SNX29: variants seen among roughly 807,000 people sequenced by gnomAD.
The protein encoded by SNX29 is sorting nexin-29.
Under a neutral mutation model 102.1 loss-of-function variants are expected in SNX29, and 78 were observed. The observed-to-expected ratio is 0.76, with a 90% CI of 0.64 to 0.92. SNX29 has a LOEUF of 0.92. Among genes scored for constraint, SNX29 ranks in the 40% least tolerant of loss-of-function variants. The probability of loss-of-function intolerance (pLI) is 0.00; values close to 1 mark genes in which losing one functional copy is unlikely to be tolerated. For synonymous variants in SNX29, 580 were observed against 414.5 expected (o/e 1.40, Z -4.85); for missense variants, 1,280 against 1,061.7 (o/e 1.21, Z -2.86).
chr16:12,478,929 C>T (rs947973887), intron 19 of SNX29, among the ~76,000 whole-genome samples: 16 of 152,180 alleles, frequency 1.1e-4, no homozygotes, highest in Admixed American at 4.6e-4. Context: ...TCATCAATTT[C>T]GGTATGTGTT....
At chr16:11,982,630 C>G (rs190278573) in intron 1 of SNX29, among the ~76,000 whole-genome samples, 1 of 152,008 alleles carries the variant, frequency 6.6e-6, no homozygotes, top group East Asian at 1.9e-4. Flanking sequence ...GGGGTTTCAC[C>G]ATGTTAGCCA....
intron 19 of SNX29, among the ~76,000 whole-genome samples, chr16:12,515,975 A>C (rs2089846643): frequency 6.6e-6 from 1 of 152,108 alleles, no homozygotes; most frequent in East Asian, 1.9e-4. Flanking sequence ...ACATGCTCCC[A>C]GAGAAAGGGG....
intron 17 of SNX29, among the ~76,000 whole-genome samples, chr16:12,400,874 G>A (rs1456796016): frequency 1.3e-5 from 2 of 152,168 alleles, no homozygotes; most frequent in African/African-American, 4.8e-5. Flanking sequence ...CCAGGTTGGA[G>A]TGCAGTGGCA....
intron 13 of SNX29, among the ~76,000 whole-genome samples, chr16:12,144,663 T>C (rs1217038320): frequency 6.6e-6 from 1 of 152,232 alleles, no homozygotes; most frequent in African/African-American, 2.4e-5. Flanking sequence ...TCATTATAAA[T>C]TACCCAGCCT....
At chr16:12,494,717 T>A (rs2088725879) in intron 19 of SNX29, among the ~76,000 whole-genome samples, 1 of 152,170 alleles carries the variant, frequency 6.6e-6, no homozygotes, top group Middle Eastern at 3.2e-3. Flanking sequence ...TTTTTTGTAA[T>A]GAGTTTTGAA....
In SNX29 at chr16:12,060,724, T is replaced by C. The variant is rs1390926128; in HGVS notation, c.1125-804T>C. ...CTGCAAAAATACCTCCAGGTATTTA[T>C]TAACATTTCTTGATTGCTCAGAGGC... On this transcript the variant is annotated intron_variant, in intron 8 of 20. Coordinates refer to ENST00000566228, the MANE Select transcript of SNX29 (RefSeq NM_032167.5). 8 of 455,312 alleles carry C rather than the reference T, an allele frequency of 1.8e-5. No homozygotes were observed. In the East Asian group the frequency reaches 5.6e-4, roughly 32 times the overall value. The allele number at this position is 455,312 out of a possible 1,614,324, so 28.2% of individuals were successfully genotyped here. A position where few individuals can be genotyped will look rare whatever the true frequency, so the allele number is the denominator to read the frequency against.
At chr16:12,564,476 T>C (rs183359191) in intron 20 of SNX29, among the ~76,000 whole-genome samples, 247 of 152,326 alleles carry the variant, frequency 1.6e-3, no homozygotes, top group African/African-American at 5.7e-3. Flanking sequence ...TATGGATCTT[T>C]CTCCAAGGTC....
chr16:12,532,945 G>C (rs1312648373), intron 20 of SNX29, among the ~76,000 whole-genome samples: 1 of 152,260 alleles, frequency 6.6e-6, no homozygotes, highest in Non-Finnish European at 1.5e-5. Flanking sequence ...TGCCAAGTTG[G>C]CTGCGGACCC....
In SNX29 at chr16:12,396,046, G is replaced by A. The variant is rs138271550; in HGVS notation, c.1900-2400G>A. ...ACTCATGTAGACACACAAAATCTCCGGGTTTACTGATCCTAATAATGCCAT... is the reference window on the plus strand; with the variant it reads ...ACTCATGTAGACACACAAAATCTCCAGGTTTACTGATCCTAATAATGCCAT... On this transcript the variant is annotated intron_variant, in intron 16 of 20. Coordinates refer to ENST00000566228, the MANE Select transcript of SNX29 (RefSeq NM_032167.5). 4.6e-5 allele frequency among the ~76,000 whole-genome samples: 7 copies of A among 152,224 alleles called. No individual in the cohort carries two copies. The East Asian group carries it at 1.2e-3, about 25-fold the overall frequency.
chr16:12,204,117 A>T (rs1040140861), intron 14 of SNX29, among the ~76,000 whole-genome samples: 1 of 152,146 alleles, frequency 6.6e-6, no homozygotes. Context: ...GAGATTGGGA[A>T]TGAGGCCATC....
At chr16:12,471,606 C>T (rs1052241963) in intron 18 of SNX29, among the ~76,000 whole-genome samples, 2 of 152,208 alleles carry the variant, frequency 1.3e-5, no homozygotes, top group Non-Finnish European at 2.9e-5. Context: ...GCACTACCTC[C>T]TGCCCCATCT....
At chr16:12,566,152 A>C (rs796157933) in intron 20 of SNX29, among the ~76,000 whole-genome samples, 42 of 152,332 alleles carry the variant, frequency 2.8e-4, no homozygotes, top group African/African-American at 9.6e-4. Flanking sequence ...TGCCTACAGA[A>C]ACACAGCTAG....
At chr16:12,437,698 G>C (rs2085599629) in intron 18 of SNX29, among the ~76,000 whole-genome samples, 1 of 152,124 alleles carries the variant, frequency 6.6e-6, no homozygotes, top group Non-Finnish European at 1.5e-5. Flanking sequence ...GGAGGGGTCA[G>C]GAGCACACCG....
chr16:12,516,729 C>G (rs773676187), intron 19 of SNX29, among the ~76,000 whole-genome samples: 1 of 152,174 alleles, frequency 6.6e-6, no homozygotes, highest in Admixed American at 6.5e-5. Flanking sequence ...TTTGGAAATG[C>G]AAAATCACCT....
rs149306990 is a variant in SNX29, at chr16:12,180,713, T to C, written c.1596-18888T>C. ...TGTAAGCCAGGATGGTCTCGATCTC[T>C]TGACCTCATGATCCACCGGCCTCGG... On this transcript the variant is annotated intron_variant, in intron 13 of 20. Coordinates refer to ENST00000566228, the MANE Select transcript of SNX29 (RefSeq NM_032167.5). Among the ~76,000 whole-genome samples, 421 of 152,268 alleles carry C rather than the reference T, an allele frequency of 2.8e-3. 2 individuals are homozygous for C. The highest frequency in any genetic ancestry group is 9.6e-3 in the African/African-American group (400 of 41,552).
intron 20 of SNX29, among the ~76,000 whole-genome samples, chr16:12,563,726 G>A (rs868720537): frequency 2.8e-4 from 43 of 152,302 alleles, no homozygotes; most frequent in Middle Eastern, 3.4e-3. Flanking sequence ...GCCAGAGATG[G>A]CACTGTCATT....
At chr16:12,562,027 T>C (rs2078753578) in intron 20 of SNX29, among the ~76,000 whole-genome samples, 1 of 152,108 alleles carries the variant, frequency 6.6e-6, no homozygotes, top group Non-Finnish European at 1.5e-5. Context: ...TGGCCCCTCA[T>C]GGATTTAGGG....
At chr16:12,565,555 TCACAGAAGCCTACTGTCACACCCTCAAC>T (rs1197220110) in intron 20 of SNX29, among the ~76,000 whole-genome samples, 18 of 152,154 alleles carry the variant, frequency 1.2e-4, no homozygotes, top group Non-Finnish European at 1.5e-4. Context: ...CATCCCTGTG[TCACAGAAGCCTACTGTCACACCCTCAAC>T]CACAGCAGCC....
intron 15 of SNX29, among the ~76,000 whole-genome samples, chr16:12,295,852 A>G (rs1226438962): frequency 1.3e-5 from 2 of 152,150 alleles, no homozygotes; most frequent in Non-Finnish European, 2.9e-5. Context: ...AGTCTTATAA[A>G]AACTTGAAAA....
Sources: gnomAD v4.1 joint callset for allele counts (sites outside exome capture counted in the v4.1 genomes callset) on GRCh38, gnomAD v4.1.1 for gene constraint, MANE v1.5 for transcripts, NCBI Gene and HGNC (gene_info 2026-07-23, HGNC 2026-07-21) for gene names.